NEGR1: variants seen among roughly 807,000 people sequenced by gnomAD.
NEGR1 encodes neuronal growth regulator 1, also known as IgLON family member 4.
In NEGR1, 10 loss-of-function variants were observed where a neutral mutation model predicts 40.9. That is an observed-to-expected ratio of 0.24 (90% CI 0.15 to 0.42). NEGR1 has a LOEUF of 0.42. Ranked by LOEUF, NEGR1 falls within the 10% of genes least tolerant of loss-of-function variation. The pLI is 1.00. For missense variants in NEGR1, 352 were observed against 438.9 expected (o/e 0.80, Z 1.77); for synonymous variants, 185 against 166.8 (o/e 1.11, Z -0.84).
intron 6 of NEGR1, among the ~76,000 whole-genome samples, chr1:71,412,543 G>A (rs1646330156): frequency 6.6e-6 from 1 of 152,106 alleles, no homozygotes; most frequent in Non-Finnish European, 1.5e-5. Context: ...GTGTTCAATT[G>A]ATGTTTACTG....
chr1:72,120,028 A>T (rs1293712734), intron 1 of NEGR1, among the ~76,000 whole-genome samples: 4 of 152,036 alleles, frequency 2.6e-5, no homozygotes, highest in Non-Finnish European at 5.9e-5. Context: ...TGAGGCATAA[A>T]CTGGCAAGGT....
chr1:72,027,075 G>C (rs1036872938), intron 1 of NEGR1, among the ~76,000 whole-genome samples: 2 of 151,968 alleles, frequency 1.3e-5, no homozygotes, highest in African/African-American at 4.8e-5. Context: ...ACAGGTGCCG[G>C]TCACCACGCC....
intron 1 of NEGR1, among the ~76,000 whole-genome samples, chr1:72,128,609 T>C (rs1189480690): frequency 6.6e-6 from 1 of 152,146 alleles, no homozygotes; most frequent in Non-Finnish European, 1.5e-5. Context: ...TTAAATAACA[T>C]TATTTTACAA....
intron 4 of NEGR1, among the ~76,000 whole-genome samples, chr1:71,613,081 A>G (rs934309606): frequency 6.6e-6 from 1 of 152,188 alleles, no homozygotes; most frequent in Non-Finnish European, 1.5e-5. Flanking sequence ...CTGTGTTGAG[A>G]AAAGACCATA....
At chr1:71,932,943 C>T (rs1645868855) in intron 2 of NEGR1, among the ~76,000 whole-genome samples, 1 of 152,024 alleles carries the variant, frequency 6.6e-6, no homozygotes, top group African/African-American at 2.4e-5. Context: ...TTAATGTATT[C>T]CCTGAACTTT....
At chr1:71,978,793 G>A (rs1220037766) in intron 1 of NEGR1, among the ~76,000 whole-genome samples, 1 of 151,970 alleles carries the variant, frequency 6.6e-6, no homozygotes, top group East Asian at 1.9e-4. Context: ...AATGAAGTTC[G>A]GCGATTCCTC....
At chr1:72,082,690 G>T (rs1294865146) in intron 1 of NEGR1, among the ~76,000 whole-genome samples, 1 of 139,372 alleles carries the variant, frequency 7.2e-6, no homozygotes, top group Admixed American at 7.2e-5. Context: ...ACCACAATTA[G>T]AAAAAACAAA....
At chr1:71,904,622 T>C (rs1260565843) in intron 2 of NEGR1, among the ~76,000 whole-genome samples, 1 of 152,128 alleles carries the variant, frequency 6.6e-6, no homozygotes, top group African/African-American at 2.4e-5. Flanking sequence ...ATAAAGTGGC[T>C]GTGAACAAAT....
intron 1 of NEGR1, among the ~76,000 whole-genome samples, chr1:72,062,296 G>A (rs941283460): frequency 6.6e-6 from 1 of 151,710 alleles, no homozygotes; most frequent in Non-Finnish European, 1.5e-5. Flanking sequence ...ATTCTTTGAA[G>A]CCTTCCAGAA....
chr1:72,205,750 TTTC>T (rs1653371769), intron 1 of NEGR1, among the ~76,000 whole-genome samples: 1 of 115,670 alleles, frequency 8.6e-6, no homozygotes, highest in Non-Finnish European at 1.7e-5. Flanking sequence ...CAAAACCCCA[TTTC>T]TACAAAAAAA....
rs192799913 is a variant in NEGR1, at chr1:72,098,925, A to T, written c.177-163614T>A. Among the ~76,000 whole-genome samples, 158 of 151,612 alleles carry T rather than the reference A, an allele frequency of 1.0e-3. 3 individuals are homozygous for T. The highest frequency in any genetic ancestry group is 9.2e-3 in the Admixed American group (140 of 15,278). ...AAACTAAATAAAAAATAAAACTAAA[A>T]TAAACTTTTGAGTATGATTAAGCTT... On this transcript the variant is annotated intron_variant, in intron 1 of 6. Transcript: ENST00000357731.
intron 2 of NEGR1, among the ~76,000 whole-genome samples, chr1:71,818,843 A>C (rs372977677): frequency 6.6e-6 from 1 of 151,962 alleles, no homozygotes; most frequent in South Asian, 2.1e-4. Flanking sequence ...AAAACACGAC[A>C]TCCATAGGAG....
intron 2 of NEGR1, among the ~76,000 whole-genome samples, chr1:71,821,689 A>C (rs1468757316): frequency 1.3e-5 from 2 of 152,116 alleles, no homozygotes; most frequent in East Asian, 3.9e-4. Flanking sequence ...GTCCTAGTGA[A>C]AAAATCACAA....
intron 1 of NEGR1, among the ~76,000 whole-genome samples, chr1:72,212,608 T>C (rs1461506099): frequency 6.6e-6 from 1 of 151,984 alleles, no homozygotes; most frequent in East Asian, 1.9e-4. Context: ...TAATTGTTCA[T>C]AAACTATTCT....
chr1:72,018,480 A>C (rs1646730663), intron 1 of NEGR1, among the ~76,000 whole-genome samples: 1 of 152,212 alleles, frequency 6.6e-6, no homozygotes, highest in Admixed American at 6.5e-5. Flanking sequence ...GTCTTGGAAC[A>C]TAAATATTAT....
At chr1:71,410,081 G>A (rs1025387207) in intron 6 of NEGR1, among the ~76,000 whole-genome samples, 7 of 151,948 alleles carry the variant, frequency 4.6e-5, no homozygotes, top group South Asian at 2.1e-4. Flanking sequence ...TACCAATAGC[G>A]TATTTTAAAT....
At chr1:72,007,849 C>T (rs1646621505) in intron 1 of NEGR1, among the ~76,000 whole-genome samples, 2 of 152,026 alleles carry the variant, frequency 1.3e-5, no homozygotes, top group Non-Finnish European at 2.9e-5. Flanking sequence ...TTGCCTAAGG[C>T]CTACATCTTT....
chr1:71,873,614 C>A (rs1049618724), intron 2 of NEGR1, among the ~76,000 whole-genome samples: 1 of 152,086 alleles, frequency 6.6e-6, no homozygotes, highest in Non-Finnish European at 1.5e-5. Flanking sequence ...TGCAAATATG[C>A]TAGAATATTC....
chr1:72,162,641 A>C (rs1651612865), intron 1 of NEGR1, among the ~76,000 whole-genome samples: 1 of 152,172 alleles, frequency 6.6e-6, no homozygotes, highest in Non-Finnish European at 1.5e-5. Context: ...ACAGGGTTCC[A>C]GAGTAGAACA....
Sources: allele counts gnomAD v4.1 joint callset (sites outside exome capture counted in the v4.1 genomes callset), GRCh38; gene constraint gnomAD v4.1.1; transcripts MANE v1.5; gene names NCBI Gene and HGNC (gene_info 2026-07-23, HGNC 2026-07-21).